INTS6: variants seen among roughly 807,000 people sequenced by gnomAD.
The protein encoded by INTS6 is DEAD box protein.
INTS6 carries 16 observed loss-of-function variants against 104.9 expected under a neutral mutation model. The observed-to-expected ratio is 0.15, with a 90% CI of 0.10 to 0.23. The LOEUF is 0.23. Among genes scored for constraint, INTS6 ranks in the 10% least tolerant of loss-of-function variants. The probability of loss-of-function intolerance (pLI) is 1.00; values close to 1 mark genes in which losing one functional copy is unlikely to be tolerated. For missense variants in INTS6, 584 were observed against 1,062.8 expected (o/e 0.55, Z 6.26); for synonymous variants, 324 against 358.7 (o/e 0.90, Z 1.09).
At position 51,364,252 on chromosome 13, in the gene INTS6, T is replaced by A; in HGVS notation, c.*1500A>T. ...TTTTCTTGACAGGGTTTGTCTTCAG[T>A]ATTGGGAGAGTTTCAAATCCCCTAG... is the stretch of plus-strand genomic sequence containing the variant. On this transcript the variant is annotated 3_prime_UTR_variant, in exon 18 of 18. Coordinates refer to ENST00000311234, the MANE Select transcript of INTS6 (RefSeq NM_012141.3). 2 of 1,468,610 alleles carry A rather than the reference T, an allele frequency of 1.4e-6. No individual in the cohort carries two copies. Among genetic ancestry groups the A allele is most frequent in the Non-Finnish European group, 1.8e-6 (2 of 1,092,170 alleles). 91.0% of individuals were successfully genotyped at this position (1,468,610 alleles called of 1,614,324 possible).
intron 3 of INTS6, chr13:51,450,388 G>A (rs879518253): frequency 6.1e-6 from 6 of 985,220 alleles, no homozygotes; most frequent in Non-Finnish European, 4.8e-6. Flanking sequence ...GTTAAGAAAC[G>A]AAGGGTTCTT....
the INTS6 span, among the ~76,000 whole-genome samples, chr13:51,345,592 C>CAAAAAAAAAAAA: frequency 2.7e-5 from 1 of 37,018 alleles, no homozygotes; most frequent in Non-Finnish European, 5.6e-5. Context: ...GATTTCATCT[C>CAAAAAAAAAAAA]AAAAAAAAAA....
At chr13:51,402,384 C>T (rs568623844) in intron 4 of INTS6, 4 of 152,262 alleles carry the variant, frequency 2.6e-5, no homozygotes, top group Middle Eastern at 3.4e-3. Context: ...GGAGGGAGGA[C>T]TGCAATTTTA....
chr13:51,431,978 A>G (rs1172358334), intron 3 of INTS6, among the ~76,000 whole-genome samples: 1 of 152,064 alleles, frequency 6.6e-6, no homozygotes, highest in East Asian at 1.9e-4. Flanking sequence ...TATATAATAA[A>G]TTCTAATAAT....
chr13:51,422,883 A>G (rs575355238), intron 4 of INTS6: 45 of 331,858 alleles, frequency 1.4e-4, no homozygotes, highest in African/African-American at 8.8e-4. Context: ...ATGCTTTTGC[A>G]TACTGTTTTC....
intron 4 of INTS6, among the ~76,000 whole-genome samples, chr13:51,408,815 G>C (rs918051435): frequency 2.0e-5 from 3 of 152,096 alleles, no homozygotes; most frequent in Non-Finnish European, 2.9e-5. Flanking sequence ...GAGTTACCTT[G>C]CTTTAATCAT....
At chr13:51,344,678 C>T in the INTS6 span, among the ~76,000 whole-genome samples, 1 of 151,964 alleles carries the variant, frequency 6.6e-6, no homozygotes, top group Non-Finnish European at 1.5e-5. Flanking sequence ...CTGCTCTGAC[C>T]CTCTCCCACA....
chr13:51,379,336 A>C (rs1956001864), intron 11 of INTS6, 126 bp downstream of exon 11: 1 of 440,348 alleles, frequency 2.3e-6, no homozygotes. Context: ...ATATGGCTCT[A>C]AAATGTAATA....
At chr13:51,360,279 C>A (rs928894745), downstream of INTS6, among the ~76,000 whole-genome samples, 2 of 151,954 alleles carry the variant, frequency 1.3e-5, no homozygotes, top group African/African-American at 4.8e-5. Flanking sequence ...CATGTTGGAG[C>A]TGACTAGCAT....
the INTS6 span, among the ~76,000 whole-genome samples, chr13:51,334,487 A>C: frequency 1.3e-5 from 2 of 152,208 alleles, no homozygotes; most frequent in African/African-American, 4.8e-5. Flanking sequence ...ACAGTCTTGG[A>C]TGGGATAACT....
At chr13:51,433,495 T>C (rs900317043) in intron 3 of INTS6, among the ~76,000 whole-genome samples, 1 of 152,196 alleles carries the variant, frequency 6.6e-6, no homozygotes, top group Non-Finnish European at 1.5e-5. Flanking sequence ...ACCCATTCAC[T>C]TTTATTCCTG....
chr13:51,397,533 G>A (rs1250186213), intron 4 of INTS6, among the ~76,000 whole-genome samples: 1 of 152,190 alleles, frequency 6.6e-6, no homozygotes, highest in African/African-American at 2.4e-5. Flanking sequence ...ATTGTAAACA[G>A]CTCAGGAGCT....
At chr13:51,441,003 A>G (rs1952787734) in intron 3 of INTS6, 1 of 152,218 alleles carries the variant, frequency 6.6e-6, no homozygotes. Context: ...CATCATCATA[A>G]ATGAGCCCCT....
intron 7 of INTS6, 152 bp downstream of exon 7, chr13:51,387,234 C>T: frequency 1.8e-6 from 1 of 560,260 alleles, no homozygotes; most frequent in Non-Finnish European, 2.8e-6. Flanking sequence ...CATAGCAAAG[C>T]AACATAATAA....
In INTS6 at chr13:51,453,018, C is replaced by T; in HGVS notation, c.-493G>A. 3 of 1,012,324 alleles carry T rather than the reference C, an allele frequency of 3.0e-6. No homozygotes were observed. Among genetic ancestry groups the T allele is most frequent in the Non-Finnish European group, 3.5e-6 (3 of 846,614 alleles). 62.7% of individuals were successfully genotyped at this position (1,012,324 alleles called of 1,614,324 possible). A position where few individuals can be genotyped will look rare whatever the true frequency, so the allele number is the denominator to read the frequency against. On this transcript the variant is annotated 5_prime_UTR_variant, in exon 1 of 18. Transcript: ENST00000311234. ...CCCGGCGGTGTCACCACTTTCTCAG[C>T]CCCTCTCGCTACTGAAGCGCTTTTC...
intron 3 of INTS6, chr13:51,436,284 G>A (rs1405503613): frequency 2.0e-5 from 3 of 151,890 alleles, no homozygotes; most frequent in South Asian, 2.1e-4. Context: ...AATGTGTTTG[G>A]TATTCTAAAA....
chr13:51,438,451 G>A (rs997895082), intron 3 of INTS6: 3 of 151,766 alleles, frequency 2.0e-5, no homozygotes, highest in African/African-American at 4.8e-5. Context: ...TGTCACATAC[G>A]GATGACTGCA....
Position 51,450,305 on chromosome 13 carries a change from G to C in INTS6, c.339+720C>G, listed in dbSNP as rs1953009471. 4.1e-6 allele frequency: 4 copies of C among 985,202 alleles called. No individual in the cohort carries two copies. The South Asian group carries it at 1.9e-4, about 46-fold the overall frequency. The allele number at this position is 985,202 out of a possible 1,614,324, so 61.0% of individuals were successfully genotyped here. Reference sequence around the variant, plus strand: ...AGACCACCTTGCATTATTCCTTAGTGAATTATTGTTGATTTAAAGCTCCTC... The same window carrying C: ...AGACCACCTTGCATTATTCCTTAGTCAATTATTGTTGATTTAAAGCTCCTC... On this transcript the variant is annotated intron_variant, in intron 3 of 17. Transcript: ENST00000311234.
At chr13:51,418,061 C>T (rs1414868757) in intron 4 of INTS6, among the ~76,000 whole-genome samples, 1 of 152,150 alleles carries the variant, frequency 6.6e-6, no homozygotes, top group Non-Finnish European at 1.5e-5. Flanking sequence ...TGTGAAATTA[C>T]CTTGTAAACA....
Sources: allele counts gnomAD v4.1 joint callset (sites outside exome capture counted in the v4.1 genomes callset), GRCh38; gene constraint gnomAD v4.1.1; transcripts MANE v1.5; gene names NCBI Gene and HGNC (gene_info 2026-07-23, HGNC 2026-07-21).